The following TRAK1 variants were observed in gnomAD, a reference collection of about 807,000 sequenced individuals.
TRAK1 encodes the protein trafficking kinesin-binding protein 1.
TRAK1 carries 33 observed loss-of-function variants against 92.1 expected under a neutral mutation model. The ratio of observed to expected loss-of-function variants is 0.36; its 90% CI spans 0.27 to 0.48. The LOEUF (loss-of-function observed/expected upper bound fraction) is 0.48, where lower values mean the gene tolerates loss of function less well. Among genes scored for constraint, TRAK1 ranks in the 20% least tolerant of loss-of-function variants. The pLI, the probability that TRAK1 is intolerant of heterozygous loss-of-function variation, is 0.99. For missense variants in TRAK1, 1,123 were observed against 1,257.9 expected (o/e 0.89, Z 1.62); for synonymous variants, 521 against 517.3 (o/e 1.01, Z -0.10).
chr3:42,198,242 G>A (rs760799509), intron 10 of TRAK1, among the ~76,000 whole-genome samples: 3 of 152,170 alleles, frequency 2.0e-5, no homozygotes, highest in Non-Finnish European at 4.4e-5. Flanking sequence ...CAGGAGAGGG[G>A]ACATCCATCT....
chr3:42,121,154 T>C (rs1709797472), intron 1 of TRAK1, among the ~76,000 whole-genome samples: 1 of 152,144 alleles, frequency 6.6e-6, no homozygotes, highest in Non-Finnish European at 1.5e-5. Flanking sequence ...CATCCCAGCT[T>C]ACTGATCTGT....
chr3:42,034,003 C>A (rs1217855385), intron 1 of TRAK1, among the ~76,000 whole-genome samples: 1 of 152,206 alleles, frequency 6.6e-6, no homozygotes, highest in African/African-American at 2.4e-5. Context: ...CTGGTCATAG[C>A]CTGGACTGTG....
chr3:42,046,053 C>T (rs1001125325), intron 1 of TRAK1, among the ~76,000 whole-genome samples: 3 of 152,074 alleles, frequency 2.0e-5, no homozygotes, highest in Non-Finnish European at 2.9e-5. Context: ...TATTACATAG[C>T]GGGAGTCCTT....
intron 2 of TRAK1, among the ~76,000 whole-genome samples, chr3:42,147,833 A>G (rs1437816438): frequency 1.3e-5 from 2 of 152,212 alleles, no homozygotes; most frequent in African/African-American, 2.4e-5. Context: ...CAGAGCAGAG[A>G]GAGATTTCTT....
intron 6 of TRAK1, 42 bp downstream of exon 6, chr3:42,189,166 T>C (rs1705317381): frequency 6.7e-7 from 1 of 1,487,578 alleles, no homozygotes; most frequent in Non-Finnish European, 9.4e-7. Flanking sequence ...AGAAGGGTGG[T>C]GGCCCCATTC....
At chr3:42,074,676 GT>G (rs756876379) in intron 1 of TRAK1, among the ~76,000 whole-genome samples, 5,659 of 141,498 alleles carry the variant, frequency 0.04, 301 homozygotes, top group African/African-American at 0.12. Context: ...TCTCAGACTA[GT>G]TTTTTTTTTT....
chr3:42,149,179 G>A (rs556448944), intron 2 of TRAK1: 2 of 1,040,952 alleles, frequency 1.9e-6, no homozygotes, highest in East Asian at 8.0e-5. Context: ...CAGTGGTGGT[G>A]TGTGTCTCTG....
At chr3:42,062,689 GA>G (rs1703499285) in intron 1 of TRAK1, among the ~76,000 whole-genome samples, 1 of 152,162 alleles carries the variant, frequency 6.6e-6, no homozygotes, top group Non-Finnish European at 1.5e-5. Flanking sequence ...ATGCTGTTGA[GA>G]AAAAGCAAAA....
intron 1 of TRAK1, among the ~76,000 whole-genome samples, chr3:42,038,217 G>A (rs547457685): frequency 6.6e-6 from 1 of 152,310 alleles, no homozygotes; most frequent in South Asian, 2.1e-4. Flanking sequence ...ACAGCATGGT[G>A]GTGGCTTTAA....
intron 14 of TRAK1, chr3:42,210,619 C>T (rs545390568): frequency 3.9e-6 from 4 of 1,015,662 alleles, no homozygotes; most frequent in Non-Finnish European, 4.7e-6. Flanking sequence ...TAAAATAGAA[C>T]CAGGAAAGGC....
At chr3:42,117,099 T>C (rs964553199) in intron 1 of TRAK1, among the ~76,000 whole-genome samples, 2 of 152,070 alleles carry the variant, frequency 1.3e-5, no homozygotes, top group African/African-American at 2.4e-5. Context: ...CGGGAAGTGC[T>C]GTGAGTGGCG....
chr3:42,168,649 C>T (rs1352870301), intron 2 of TRAK1, among the ~76,000 whole-genome samples: 1 of 152,088 alleles, frequency 6.6e-6, no homozygotes, highest in Non-Finnish European at 1.5e-5. Flanking sequence ...GTGGCACAAT[C>T]TTGGCTCACT....
chr3:42,045,043 A>G (rs984175623), intron 1 of TRAK1, among the ~76,000 whole-genome samples: 1 of 152,096 alleles, frequency 6.6e-6, no homozygotes, highest in Non-Finnish European at 1.5e-5. Context: ...TTCAAAGGAG[A>G]AATCTATTGT....
chr3:42,171,892 A>G (rs1387700849), intron 2 of TRAK1, among the ~76,000 whole-genome samples: 1 of 152,070 alleles, frequency 6.6e-6, no homozygotes, highest in Non-Finnish European at 1.5e-5. Context: ...TGTTTTGAGC[A>G]TGGTTTAACT....
Position 42,223,140 on chromosome 3 carries a change from C to T in TRAK1, c.2265C>T (p.Asp755=). Reference sequence around the variant, plus strand: ...GGGGCATTTCTGCTGCCGTGTACGACCCCCAGAGCTGGGACAGGGCCGGCC... The same window carrying T: ...GGGGCATTTCTGCTGCCGTGTACGATCCCCAGAGCTGGGACAGGGCCGGCC... ...KERGISAAVY[D]PQSWDRAGRG... Residue 755 remains aspartate (D), a synonymous_variant, in exon 16 of 16, where the codon GAC becomes GAT. Transcript: ENST00000327628. This position sits in a 1 kb window ranked among gnomAD's most constrained non-coding sequence, Gnocchi z 6.1. The T allele has an allele frequency of 1.9e-6, 3 of 1,614,046 alleles. No individual in the cohort carries two copies. The highest frequency in any genetic ancestry group is 3.3e-5 in the Admixed American group (2 of 60,026).
At chr3:42,151,830 C>T (rs1699988164) in intron 2 of TRAK1, among the ~76,000 whole-genome samples, 1 of 152,204 alleles carries the variant, frequency 6.6e-6, no homozygotes. Flanking sequence ...TCAATAGACA[C>T]ACACCATTGC....
At chr3:42,050,535 G>C (rs1702938347) in intron 1 of TRAK1, among the ~76,000 whole-genome samples, 1 of 152,000 alleles carries the variant, frequency 6.6e-6, no homozygotes, top group East Asian at 1.9e-4. Flanking sequence ...AGGTAATCTT[G>C]GCCTTGTCCC....
chr3:42,079,474 CTTCTT>C (rs1298996522), intron 1 of TRAK1, among the ~76,000 whole-genome samples: 7 of 133,942 alleles, frequency 5.2e-5, no homozygotes, highest in Non-Finnish European at 9.4e-5. Context: ...GAAGCTCCTT[CTTCTT>C]TTTTTTTTTT....
chr3:42,050,504 G>A (rs1028484866), intron 1 of TRAK1, among the ~76,000 whole-genome samples: 6 of 152,040 alleles, frequency 3.9e-5, no homozygotes, highest in African/African-American at 9.7e-5. Flanking sequence ...AGAGTTCATC[G>A]CTTTTCCTTG....
Sources: allele counts gnomAD v4.1 joint callset (sites outside exome capture counted in the v4.1 genomes callset), GRCh38; gene constraint gnomAD v4.1.1; non-coding constraint Gnocchi (gnomAD v3.1); transcripts MANE v1.5; gene names NCBI Gene and HGNC (gene_info 2026-07-23, HGNC 2026-07-21).